NEU4: variants seen among roughly 807,000 people sequenced by gnomAD.
The protein encoded by NEU4 is neuraminidase 4, also known as sialidase-4.
Under a neutral mutation model 9.9 loss-of-function variants are expected in NEU4, and 7 were observed. The ratio of observed to expected loss-of-function variants is 0.71; its 90% confidence interval spans 0.40 to 1.33. The LOEUF (loss-of-function observed/expected upper bound fraction) is 1.33. NEU4 is among the 40% of genes most tolerant of loss of function. The pLI, the probability that NEU4 is intolerant of heterozygous loss-of-function variation, is 0.01. For synonymous variants in NEU4, 348 were observed against 316.9 expected (o/e 1.10, Z -1.04); for missense variants, 717 against 712.6 (o/e 1.01, Z -0.07).
intron 1 of NEU4, chr2:241,811,936 C>T (rs946517598): frequency 5.7e-4 from 93 of 164,212 alleles, no homozygotes; most frequent in South Asian, 2.0e-4. Flanking sequence ...TCAGAGCCGC[C>T]GAGGGCCCCC....
chr2:241,813,573 C>T (rs1373507480), intron 1 of NEU4: 2 of 1,275,622 alleles, frequency 1.6e-6, no homozygotes, highest in South Asian at 1.3e-5. Context: ...CTCACCCGGG[C>T]CCTGCCCTGG....
chr2:241,810,751 G>T (rs1363058597), intron 1 of NEU4: 4 of 161,250 alleles, frequency 2.5e-5, no homozygotes, highest in Non-Finnish European at 3.9e-5. Context: ...GGGCAGGCCA[G>T]CGTGAAAGGG....
intron 1 of NEU4, chr2:241,809,610 CGTGGGCCATGG>C (rs551522841): frequency 1.1e-4 from 32 of 282,110 alleles, no homozygotes; most frequent in Non-Finnish European, 1.8e-4. Flanking sequence ...TCTGAGCAGC[CGTGGGCCATGG>C]GGTGACAGTT....
Position 241,814,976 on chromosome 2 carries a change from G to T in NEU4, c.286G>T (p.Gly96Cys). Residue 96 changes from glycine to cysteine, a missense_variant, in exon 3 of 4, where the codon GGC becomes TGC. Transcript: ENST00000407683. Reference sequence around the variant, plus strand: ...CTGCCCTGTGCACGATGCTGGCACGGGCACCGTCTTCCTCTTCTTCATCGC... The same window carrying T: ...CTGCCCTGTGCACGATGCTGGCACGTGCACCGTCTTCCTCTTCTTCATCGC... ...NPCPVHDAGT[G>C]TVFLFFIAVL... 6.2e-7 allele frequency: 1 copy of T among 1,610,672 alleles called. No homozygotes were observed.
At chr2:241,811,521 C>A in intron 1 of NEU4, 1 of 1,396,892 alleles carries the variant, frequency 7.2e-7, no homozygotes, top group Non-Finnish European at 9.5e-7. Context: ...CGCCCGGGGT[C>A]AGGACCCGCT....
rs372582753 is a variant in NEU4, at chr2:241,816,317, C to T, written c.724C>T (p.Arg242Trp). 47 of 1,577,138 alleles carry T rather than the reference C, an allele frequency of 3.0e-5. No homozygotes were observed. The highest frequency in any genetic ancestry group is 1.3e-4 in the Admixed American group (7 of 55,442). Residue 242 changes from arginine to tryptophan, a missense_variant, in exon 4 of 4, where the codon CGG becomes TGG. Physicochemically the swap from Arg to Trp is moderately radical, Grantham distance 101 (BLOSUM62 -3). Transcript: ENST00000407683. ...CGGCAGCTTCCTCTACTGCAATGCC[C>T]GGAGCCCACTGGGCAGCCGTGTGCA... ...QAGSFLYCNA[R>W]SPLGSRVQAL...
intron 3 of NEU4, chr2:241,815,617 T>C: frequency 2.0e-6 from 1 of 491,946 alleles, no homozygotes; most frequent in Non-Finnish European, 4.1e-6. Context: ...CCTCTTATTC[T>C]TTACTCCCTT....
chr2:241,814,250 C>T (rs1481663150), intron 1 of NEU4: 1 of 631,690 alleles, frequency 1.6e-6, no homozygotes, highest in East Asian at 2.8e-5. Flanking sequence ...GGGGCTGATT[C>T]CACAGACATT....
At chr2:241,815,758 C>G (rs1700304586) in intron 3 of NEU4, 1 of 579,810 alleles carries the variant, frequency 1.7e-6, no homozygotes, top group Admixed American at 3.0e-5. Context: ...ACCCAGGGAC[C>G]CCACTGCAGG....
chr2:241,816,230 G>A lies in NEU4; in HGVS notation c.637G>A (p.Gly213Ser), dbSNP rs1700331946. Residue 213 changes from glycine to serine, a missense_variant, in exon 4 of 4, where the codon GGC becomes AGC. Transcript: ENST00000407683. ...DDHGRTWRCGGLVPNLRSGEC... is the reference protein window; with the variant it reads ...DDHGRTWRCGSLVPNLRSGEC... ...CCACGGCCGCACCTGGCGCTGTGGA[G>A]GCCTCGTGCCCAACCTGCGCTCAGG... 3 of 1,611,664 alleles carry A rather than the reference G, an allele frequency of 1.9e-6. No homozygotes were observed. The highest frequency in any genetic ancestry group is 1.3e-5 in the African/African-American group (1 of 74,900).
In NEU4 at chr2:241,817,410, C is replaced by T. The variant is rs897609047; in HGVS notation, c.*362C>T. 2.2e-5 allele frequency: 7 copies of T among 314,748 alleles called. No individual in the cohort carries two copies. The highest frequency in any genetic ancestry group is 2.3e-5 in the Non-Finnish European group (4 of 171,672). The allele number at this position is 314,748 out of a possible 1,614,324, so 19.5% of individuals were successfully genotyped here. A position where few individuals can be genotyped will look rare whatever the true frequency, so the allele number is the denominator to read the frequency against. On this transcript the variant is annotated 3_prime_UTR_variant, in exon 4 of 4. Coordinates refer to ENST00000407683, the MANE Select transcript of NEU4 (RefSeq NM_001167600.3). ...CGAAATAAAGGAATCGTGCTTGTGT[C>T]GGGGTAGACGTTTCTTTCCTTTTCA...
Position 241,814,534 on chromosome 2 carries a change from G to A in NEU4, c.50G>A (p.Arg17Lys), listed in dbSNP as rs146566865. Residue 17 changes from arginine (R) to lysine (K), a missense_variant, in exon 2 of 4, where the codon AGG becomes AAG. Arg to Lys is a conservative substitution (Grantham distance 26, BLOSUM62 2). Coordinates refer to ENST00000407683, the MANE Select transcript of NEU4 (RefSeq NM_001167600.3). ...PSRTVLFERE[R>K]TGLTYRVPSL... ...CGGACAGTGCTCTTCGAGCGGGAGA[G>A]GACGGGCCTGACCTACCGCGTGCCC... 57 of 1,612,648 alleles carry A rather than the reference G, an allele frequency of 3.5e-5. No individual in the cohort carries two copies. Among genetic ancestry groups the A allele is most frequent in the Middle Eastern group, 3.3e-4 (2 of 6,084 alleles).
In NEU4 at chr2:241,815,000, G is replaced by A. The variant is rs758930258; in HGVS notation, c.310G>A (p.Ala104Thr). 1.1e-5 allele frequency: 18 copies of A among 1,606,850 alleles called. No homozygotes were observed. The highest frequency in any genetic ancestry group is 4.5e-5 in the East Asian group (2 of 44,834). ...GTGTVFLFFI[A>T]VLGHTPEAVQ... ...GGGCACCGTCTTCCTCTTCTTCATC[G>A]CGGTGCTGGGCCACACGCCTGAGGC... The change falls in exon 3 of 4, where the codon GCG (alanine) becomes ACG (threonine). Residue 104 changes from alanine to threonine, a missense_variant. Physicochemically the swap from Ala to Thr is moderately conservative, Grantham distance 58. Coordinates refer to ENST00000407683, the MANE Select transcript of NEU4 (RefSeq NM_001167600.3).
intron 1 of NEU4, chr2:241,809,512 T>C: frequency 2.9e-6 from 1 of 339,250 alleles, no homozygotes; most frequent in Non-Finnish European, 5.8e-6. Context: ...GCCCCTCGGC[T>C]GCCAGAGCTC....
At chr2:241,809,437 A>G (rs1700044393) in intron 1 of NEU4, 163 bp downstream of exon 1, 1 of 373,300 alleles carries the variant, frequency 2.7e-6, no homozygotes, top group Non-Finnish European at 5.2e-6. Flanking sequence ...GACACAGAGT[A>G]GCCGAAACTG....
chr2:241,810,596 A>T (rs62193092), intron 1 of NEU4: 43,265 of 152,308 alleles, frequency 0.28, 6,653 homozygotes, highest in Non-Finnish European at 0.35. Flanking sequence ...CCATCAGAAC[A>T]TACCGGGCAC....
intron 2 of NEU4, 92 bp from the exon 3 acceptor site, chr2:241,814,800 G>A: frequency 1.3e-6 from 2 of 1,543,864 alleles, no homozygotes. Context: ...GTAGAGATGA[G>A]CAAACCAGGC....
rs775880703 is a variant in NEU4, at chr2:241,814,619, C to T, written c.135C>T (p.Ser45=). Residue 45 remains serine, a synonymous_variant, in exon 2 of 4, where the codon AGC becomes AGT. Coordinates refer to ENST00000407683, the MANE Select transcript of NEU4 (RefSeq NM_001167600.3). ...TGGCCTTTGTGGAGCAGCGGCTCAGCCCTGACGACTCCCACGCCCACCGCC... is the reference window on the plus strand; with the variant it reads ...TGGCCTTTGTGGAGCAGCGGCTCAGTCCTGACGACTCCCACGCCCACCGCC... ...TLLAFVEQRL[S]PDDSHAHRLV... 4.4e-6 allele frequency: 7 copies of T among 1,605,174 alleles called. 1 individual carries two copies. The Middle Eastern group carries it at 5.1e-4, about 117-fold the overall frequency.
Position 241,814,946 on chromosome 2 carries a change from A to G in NEU4, c.256A>G (p.Asn86Asp). ...TAALAEHRSM[N>D]PCPVHDAGTG... ...AGCCCTGGCGGAGCACCGGTCCATG[A>G]ACCCCTGCCCTGTGCACGATGCTGG... is the stretch of plus-strand genomic sequence containing the variant. Residue 86 changes from asparagine (N) to aspartate (D), a missense_variant, in exon 3 of 4, where the codon AAC (asparagine) becomes GAC (aspartate). By Grantham distance (23) the Asn-to-Asp change is conservative. Transcript: ENST00000407683. 2 of 1,612,100 alleles carry G rather than the reference A, an allele frequency of 1.2e-6. No homozygotes were observed. The highest frequency in any genetic ancestry group is 1.7e-6 in the Non-Finnish European group (2 of 1,179,802).
Sources: gnomAD v4.1 joint callset for allele counts on GRCh38, gnomAD v4.1.1 for gene constraint, MANE v1.5 for transcripts, NCBI Gene and HGNC (gene_info 2026-07-23, HGNC 2026-07-21) for gene names.